The following CSMD2 variants were observed in gnomAD, a reference collection of about 807,000 sequenced individuals.
CSMD2 encodes CUB and sushi domain-containing protein 2.
Under a neutral mutation model 398.5 loss-of-function variants are expected in CSMD2, and 130 were observed. The observed-to-expected ratio is 0.33, with a 90% CI of 0.28 to 0.38. The LOEUF is 0.38. Among genes scored for constraint, CSMD2 ranks in the 10% least tolerant of loss-of-function variants. The pLI, the probability that CSMD2 is intolerant of heterozygous loss-of-function variation, is 1.00. For synonymous variants in CSMD2, 1,828 were observed against 1,908.5 expected, an observed-to-expected ratio of 0.96 and a Z score of 1.10; for missense variants, 3,829 against 4,764.9, an observed-to-expected ratio of 0.80 and a Z score of 5.78.
chr1:33,549,491 G>A (rs972030341), intron 56 of CSMD2, among the ~76,000 whole-genome samples: 1 of 152,204 alleles, frequency 6.6e-6, no homozygotes, highest in Non-Finnish European at 1.5e-5. Context: ...CTGCTATATG[G>A]CATTACACAT....
intron 3 of CSMD2, among the ~76,000 whole-genome samples, chr1:34,020,410 G>A (rs1648710132): frequency 6.6e-6 from 1 of 152,202 alleles, no homozygotes; most frequent in Non-Finnish European, 1.5e-5. Flanking sequence ...AAGGATGACA[G>A]AGCTGGGAAG....
At chr1:33,759,202 A>T (rs185979594) in intron 13 of CSMD2, among the ~76,000 whole-genome samples, 27 of 152,222 alleles carry the variant, frequency 1.8e-4, no homozygotes, top group Admixed American at 3.3e-4. Flanking sequence ...CAACATGGTG[A>T]ACTGTAAGTG....
intron 8 of CSMD2, 143 bp from the exon 9 acceptor site, chr1:33,819,980 A>G (rs1657921804): frequency 9.5e-7 from 1 of 1,050,844 alleles, no homozygotes; most frequent in African/African-American, 1.6e-5. Context: ...ATCACTAAAA[A>G]TCTCCATTGG....
intron 3 of CSMD2, among the ~76,000 whole-genome samples, chr1:33,941,713 C>T (rs1468246758): frequency 2.0e-5 from 3 of 152,164 alleles, no homozygotes; most frequent in Non-Finnish European, 4.4e-5. Context: ...TAATTCATAG[C>T]ATACTTACTC....
chr1:33,814,402 T>C (rs151017721), intron 9 of CSMD2, among the ~76,000 whole-genome samples: 1 of 152,326 alleles, frequency 6.6e-6, no homozygotes, highest in Non-Finnish European at 1.5e-5. Flanking sequence ...TTATCTCTAT[T>C]AGCTCACTCT....
intron 19 of CSMD2, 24 bp downstream of exon 19, chr1:33,724,173 C>T (rs774995283): frequency 5.9e-5 from 91 of 1,549,556 alleles, no homozygotes; most frequent in Non-Finnish European, 7.6e-5. Context: ...CATCCCAATG[C>T]CTGCTATGGG....
At chr1:34,110,980 C>T (rs1661024599) in intron 1 of CSMD2, among the ~76,000 whole-genome samples, 1 of 152,164 alleles carries the variant, frequency 6.6e-6, no homozygotes, top group Admixed American at 6.5e-5. Flanking sequence ...CCCTTACCTG[C>T]TCTATGTTTT....
chr1:34,091,466 C>A (rs1446776971), intron 1 of CSMD2, among the ~76,000 whole-genome samples: 3 of 152,130 alleles, frequency 2.0e-5, no homozygotes. Context: ...CACTGTTACA[C>A]AAAGGTGGGA....
chr1:33,844,287 T>TGGG (rs397719711), intron 6 of CSMD2, among the ~76,000 whole-genome samples: 5 of 151,586 alleles, frequency 3.3e-5, no homozygotes, highest in Non-Finnish European at 7.4e-5. Context: ...TGTGTGTGTG[T>TGGG]GGGGGGGCGC....
rs981930429 is a variant in CSMD2, at chr1:33,586,950, C to G, written c.6937+138G>C. 7.6e-6 allele frequency: 5 copies of G among 657,012 alleles called. No homozygotes were observed. The African/African-American group carries it at 9.1e-5, about 12-fold the overall frequency. The allele number at this position is 657,012 out of a possible 1,614,324, so 40.7% of individuals were successfully genotyped here. A position where few individuals can be genotyped will look rare whatever the true frequency, so the allele number is the denominator to read the frequency against. The stretch of plus-strand genomic sequence containing the variant: ...GTGTAAACTCAGTGGGCAGAACCCT[C>G]TGGCACAGGGCCTACTGTTTCTCTC... On this transcript the variant is annotated intron_variant, in intron 45 of 70. Coordinates refer to ENST00000373381, the MANE Select transcript of CSMD2 (RefSeq NM_001281956.2).
intron 5 of CSMD2, among the ~76,000 whole-genome samples, chr1:33,877,810 C>A (rs181195337): frequency 6.6e-6 from 1 of 151,932 alleles, no homozygotes; most frequent in Non-Finnish European, 1.5e-5. Flanking sequence ...GAAGATATGC[C>A]CAGGGTTGCT....
intron 13 of CSMD2, among the ~76,000 whole-genome samples, chr1:33,767,770 T>A (rs558399): frequency 0.15 from 22,606 of 152,198 alleles, 2,042 homozygotes; most frequent in South Asian, 0.25. Flanking sequence ...CTAACTCCTG[T>A]CAACCTTTGT....
intron 12 of CSMD2, among the ~76,000 whole-genome samples, chr1:33,773,541 G>C (rs1451559224): frequency 6.6e-6 from 1 of 152,188 alleles, no homozygotes; most frequent in Non-Finnish European, 1.5e-5. Context: ...TCAGGATCCA[G>C]ATGCTTCTGG....
At chr1:33,763,449 T>C (rs1650093072) in intron 13 of CSMD2, among the ~76,000 whole-genome samples, 1 of 152,204 alleles carries the variant, frequency 6.6e-6, no homozygotes, top group Non-Finnish European at 1.5e-5. Flanking sequence ...CTATGAGTGA[T>C]TCTAATGGTT....
chr1:33,681,543 A>G (rs541687628), intron 25 of CSMD2, among the ~76,000 whole-genome samples: 69 of 152,302 alleles, frequency 4.5e-4, no homozygotes, highest in African/African-American at 1.6e-3. Flanking sequence ...GTTACACACA[A>G]TCTTTCATAG....
chr1:33,759,677 A>G (rs777296290), intron 13 of CSMD2, among the ~76,000 whole-genome samples: 1 of 152,084 alleles, frequency 6.6e-6, no homozygotes, highest in Non-Finnish European at 1.5e-5. Context: ...ATAAACCACT[A>G]TATATAGCCT....
At chr1:34,026,624 C>A (rs1295562032) in intron 3 of CSMD2, among the ~76,000 whole-genome samples, 1 of 152,234 alleles carries the variant, frequency 6.6e-6, no homozygotes, top group Non-Finnish European at 1.5e-5. Flanking sequence ...TAAAAACCTG[C>A]AGAGACTCTT....
intron 5 of CSMD2, among the ~76,000 whole-genome samples, chr1:33,893,406 G>A (rs1420292222): frequency 6.6e-6 from 1 of 152,204 alleles, no homozygotes; most frequent in Non-Finnish European, 1.5e-5. Context: ...TCCAGGCAGA[G>A]GATAGGAGAG....
chr1:34,156,139 G>A (rs944241511), intron 1 of CSMD2, among the ~76,000 whole-genome samples: 1 of 152,200 alleles, frequency 6.6e-6, no homozygotes, highest in African/African-American at 2.4e-5. Flanking sequence ...TTCGTGCTAG[G>A]AACATTTTAG....
Sources: allele counts gnomAD v4.1 joint callset (sites outside exome capture counted in the v4.1 genomes callset), GRCh38; gene constraint gnomAD v4.1.1; transcripts MANE v1.5; gene names NCBI Gene and HGNC (gene_info 2026-07-23, HGNC 2026-07-21).